SCLT1: variants seen among roughly 807,000 people sequenced by gnomAD.
SCLT1 encodes the protein sodium channel-associated protein 1.
Under a neutral mutation model 112.8 loss-of-function variants are expected in SCLT1, and 78 were observed. The observed-to-expected ratio is 0.69, with a 90% confidence interval of 0.58 to 0.83. The LOEUF (loss-of-function observed/expected upper bound fraction) is 0.83, where lower values mean the gene tolerates loss of function less well. SCLT1 is among the 40% of genes least tolerant of loss of function. The pLI, the probability that SCLT1 is intolerant of heterozygous loss-of-function variation, is 0.00. For missense variants in SCLT1, 747 were observed against 770.4 expected (o/e 0.97, Z 0.36); for synonymous variants, 257 against 254.7 (o/e 1.01, Z -0.09).
intron 11 of SCLT1, among the ~76,000 whole-genome samples, chr4:128,964,655 C>T (rs1018413396): frequency 6.6e-6 from 1 of 152,170 alleles, no homozygotes; most frequent in Non-Finnish European, 1.5e-5. Context: ...CTTTCTTTGC[C>T]TTCCATTTTG....
At chr4:128,933,980 T>C (rs1313946185) in intron 18 of SCLT1, among the ~76,000 whole-genome samples, 21 of 152,084 alleles carry the variant, frequency 1.4e-4, no homozygotes. Context: ...TCACTTGAAA[T>C]AATTCATCTA....
At chr4:128,969,430 G>C (rs1308529211) in intron 10 of SCLT1, among the ~76,000 whole-genome samples, 2 of 152,068 alleles carry the variant, frequency 1.3e-5, no homozygotes, top group Non-Finnish European at 2.9e-5. Context: ...AAATTAGCCA[G>C]GCGTGGCGGC....
At chr4:129,002,308 T>C (rs1450135235) in intron 6 of SCLT1, among the ~76,000 whole-genome samples, 4 of 151,964 alleles carry the variant, frequency 2.6e-5, no homozygotes, top group South Asian at 2.1e-4. Flanking sequence ...TAAATTTAAA[T>C]ACAATTCCCT....
At chr4:129,025,526 C>T (rs1402048972) in intron 5 of SCLT1, among the ~76,000 whole-genome samples, 3 of 151,974 alleles carry the variant, frequency 2.0e-5, no homozygotes, top group Non-Finnish European at 2.9e-5. Flanking sequence ...ACCAGGCCTG[C>T]CCTAAAAGAG....
At chr4:128,954,402 C>T (rs149522423) in intron 13 of SCLT1, among the ~76,000 whole-genome samples, 1,895 of 151,448 alleles carry the variant, frequency 0.013, 31 homozygotes, top group African/African-American at 0.044. Flanking sequence ...CACGGCAAGC[C>T]CCGCCTCCTG....
At chr4:129,011,515 A>C (rs1264355465) in intron 5 of SCLT1, among the ~76,000 whole-genome samples, 2 of 151,946 alleles carry the variant, frequency 1.3e-5, no homozygotes, top group South Asian at 4.2e-4. Flanking sequence ...TGTAGCCCTG[A>C]AGTATAGTTT....
chr4:129,073,488 T>A (rs1056164607), intron 2 of SCLT1, among the ~76,000 whole-genome samples: 3 of 152,184 alleles, frequency 2.0e-5, no homozygotes, highest in African/African-American at 7.2e-5. Flanking sequence ...AATAACATTT[T>A]ATAAAACAGT....
chr4:129,003,374 G>A (rs1457653348), intron 6 of SCLT1, among the ~76,000 whole-genome samples: 1 of 147,458 alleles, frequency 6.8e-6, no homozygotes, highest in Admixed American at 6.9e-5. Flanking sequence ...CATGGCATGT[G>A]ATACCTATAT....
intron 18 of SCLT1, among the ~76,000 whole-genome samples, chr4:128,899,127 C>G (rs1042914946): frequency 5.3e-5 from 8 of 152,326 alleles, no homozygotes; most frequent in African/African-American, 1.9e-4. Context: ...CCTTCTGAAA[C>G]TATCCCAATC....
rs541852893 is a variant in SCLT1, at chr4:129,071,570, T to G, written c.102+10736A>C. ...TCTTTTAACTGCTGTTGCTTTAAAG[T>G]TTTTTTTGTTTTTTGTTTTTTGTTT... On this transcript the variant is annotated intron_variant, in intron 2 of 20. Transcript: ENST00000281142. Among the ~76,000 whole-genome samples, 97 of 149,272 alleles carry G rather than the reference T, an allele frequency of 6.5e-4. 1 individual carries two copies. Among genetic ancestry groups the G allele is most frequent in the Admixed American group, 1.4e-3 (21 of 14,854 alleles).
chr4:129,092,231 G>A (rs551518220), intron 1 of SCLT1, among the ~76,000 whole-genome samples: 7 of 152,136 alleles, frequency 4.6e-5, no homozygotes, highest in South Asian at 2.1e-4. Context: ...CCCTTTCTAC[G>A]CCTTCAACTG....
chr4:129,039,982 A>C (rs1747555294), intron 4 of SCLT1: 1 of 546,098 alleles, frequency 1.8e-6, no homozygotes, highest in Non-Finnish European at 3.3e-6. Context: ...TTAAAACGGT[A>C]ACTAATTCAT....
At chr4:129,084,187 A>T (rs1375660036) in intron 1 of SCLT1, among the ~76,000 whole-genome samples, 1 of 152,200 alleles carries the variant, frequency 6.6e-6, no homozygotes, top group African/African-American at 2.4e-5. Flanking sequence ...GTCTAAGTTA[A>T]TGCAGTAAAG....
chr4:128,972,294 G>C (rs1054574368), intron 9 of SCLT1: 1 of 152,054 alleles, frequency 6.6e-6, no homozygotes, highest in Non-Finnish European at 1.5e-5. Context: ...CACTGATTTG[G>C]TTTTCTTACC....
intron 18 of SCLT1, among the ~76,000 whole-genome samples, chr4:128,911,412 G>T (rs534550077): frequency 6.6e-6 from 1 of 152,220 alleles, no homozygotes; most frequent in East Asian, 1.9e-4. Context: ...AATTCTTTGT[G>T]ATACATACAT....
intron 5 of SCLT1, among the ~76,000 whole-genome samples, chr4:129,018,889 A>G (rs2126117674): frequency 6.6e-6 from 1 of 152,254 alleles, no homozygotes; most frequent in South Asian, 2.1e-4. Context: ...AGGTTGCCCA[A>G]CCTTAGTGTT....
intron 1 of SCLT1, among the ~76,000 whole-genome samples, chr4:129,089,869 G>C (rs1752687257): frequency 1.2e-5 from 1 of 80,394 alleles, no homozygotes; most frequent in Non-Finnish European, 3.2e-5. Context: ...GTTGGGGAGT[G>C]GGGGACTAAG....
At chr4:128,998,785 A>G (rs1180030903) in intron 7 of SCLT1, among the ~76,000 whole-genome samples, 4 of 151,872 alleles carry the variant, frequency 2.6e-5, no homozygotes, top group East Asian at 1.9e-4. Flanking sequence ...AAAGCATCAC[A>G]TAAGTATTTT....
chr4:128,919,328 G>A (rs1735703899), intron 18 of SCLT1, among the ~76,000 whole-genome samples: 1 of 152,056 alleles, frequency 6.6e-6, no homozygotes, highest in Non-Finnish European at 1.5e-5. Context: ...GACTTTTGGG[G>A]AAACTATAAA....
Sources: allele counts gnomAD v4.1 joint callset (sites outside exome capture counted in the v4.1 genomes callset), GRCh38; gene constraint gnomAD v4.1.1; transcripts MANE v1.5; gene names NCBI Gene and HGNC (gene_info 2026-07-23, HGNC 2026-07-21).